The following NELL2 variants were observed in gnomAD, a reference collection of about 807,000 sequenced individuals.
The protein encoded by NELL2 is protein kinase C-binding protein NELL2.
Under a neutral mutation model 109.6 loss-of-function variants are expected in NELL2, and 41 were observed. The observed-to-expected ratio is 0.37, with a 90% CI of 0.29 to 0.49. NELL2 has a LOEUF of 0.49. Ranked by LOEUF, NELL2 falls within the 20% of genes least tolerant of loss-of-function variation. The probability of loss-of-function intolerance (pLI) is 0.98; values close to 1 mark genes in which losing one functional copy is unlikely to be tolerated. For synonymous variants in NELL2, 355 were observed against 344.7 expected (o/e 1.03, Z -0.33); for missense variants, 900 against 1,008.3 (o/e 0.89, Z 1.45).
chr12:44,563,861 A>G (rs1255774240), intron 15 of NELL2, among the ~76,000 whole-genome samples: 1 of 152,262 alleles, frequency 6.6e-6, no homozygotes, highest in African/African-American at 2.4e-5. Flanking sequence ...GCAGAGAATT[A>G]CCAGTTTGCT....
intron 12 of NELL2, among the ~76,000 whole-genome samples, chr12:44,690,621 T>C (rs1386834761): frequency 6.6e-6 from 1 of 152,062 alleles, no homozygotes; most frequent in Non-Finnish European, 1.5e-5. Context: ...ATCACAATTC[T>C]CATTTCCTCC....
At chr12:44,898,673 A>G (rs745821467) in intron 1 of NELL2, among the ~76,000 whole-genome samples, 3 of 152,208 alleles carry the variant, frequency 2.0e-5, no homozygotes, top group Non-Finnish European at 2.9e-5. Context: ...AAAGTTGAAA[A>G]TTCCAAAAAC....
At chr12:44,587,371 ATAAC>A (rs1944565131) in intron 15 of NELL2, among the ~76,000 whole-genome samples, 1 of 148,836 alleles carries the variant, frequency 6.7e-6, no homozygotes, top group African/African-American at 2.5e-5. Context: ...GAGACTAAAA[ATAAC>A]TAACGTGATT....
upstream of NELL2, among the ~76,000 whole-genome samples, chr12:44,919,036 A>G (rs1322592184): frequency 6.6e-6 from 1 of 152,236 alleles, no homozygotes; most frequent in Non-Finnish European, 1.5e-5. Context: ...ACACTGCTCA[A>G]GCAATGACTT....
chr12:44,893,514 C>T lies in NELL2; in HGVS notation c.39-17614G>A, dbSNP rs141534546. On this transcript the variant is annotated intron_variant, in intron 1 of 20. Transcript: ENST00000333837. ...AGTGTTAGCATTATTTTAAACACAG[C>T]TAAATTAAGTATTTCTGGGATCTGC... 7.7e-3 allele frequency among the ~76,000 whole-genome samples: 1,176 copies of T among 152,228 alleles called. 15 individuals are homozygous for T. Among genetic ancestry groups the T allele is most frequent in the African/African-American group, 0.025 (1,040 of 41,546 alleles).
At chr12:44,692,945 A>C (rs1044192853) in intron 12 of NELL2, among the ~76,000 whole-genome samples, 1 of 152,184 alleles carries the variant, frequency 6.6e-6, no homozygotes, top group Non-Finnish European at 1.5e-5. Context: ...GACAACCAAG[A>C]ATTTAGAATA....
intron 1 of NELL2, among the ~76,000 whole-genome samples, chr12:44,896,956 T>G (rs1304991096): frequency 6.6e-6 from 1 of 152,212 alleles, no homozygotes; most frequent in South Asian, 2.1e-4. Context: ...ATGAAGGTTT[T>G]TAAGCACAGG....
At chr12:44,582,847 G>A (rs1295986956) in intron 15 of NELL2, among the ~76,000 whole-genome samples, 1 of 152,134 alleles carries the variant, frequency 6.6e-6, no homozygotes, top group South Asian at 2.1e-4. Flanking sequence ...ATTAGGTCAT[G>A]AGGATCCTGC....
intron 13 of NELL2, among the ~76,000 whole-genome samples, chr12:44,612,752 A>G (rs766178182): frequency 5.9e-5 from 9 of 152,086 alleles, no homozygotes; most frequent in Non-Finnish European, 1.0e-4. Context: ...ATAAATCTCT[A>G]TATGGACAGC....
At chr12:44,912,952 T>A (rs1945795907) in intron 1 of NELL2, among the ~76,000 whole-genome samples, 1 of 152,298 alleles carries the variant, frequency 6.6e-6, no homozygotes, top group Middle Eastern at 3.4e-3. Flanking sequence ...CACTATTAAG[T>A]GGGAATTGTG....
intron 15 of NELL2, among the ~76,000 whole-genome samples, chr12:44,579,695 A>G (rs1194138077): frequency 6.6e-6 from 1 of 152,198 alleles, no homozygotes; most frequent in African/African-American, 2.4e-5. Flanking sequence ...ATACAGTTAA[A>G]CTGTTTTCTC....
chr12:44,609,333 T>C (rs973080837), intron 14 of NELL2, among the ~76,000 whole-genome samples: 4 of 152,008 alleles, frequency 2.6e-5, no homozygotes, highest in Admixed American at 2.6e-4. Flanking sequence ...TGACTAATGG[T>C]GGCTAGTTGT....
intron 3 of NELL2, among the ~76,000 whole-genome samples, chr12:44,795,883 T>C (rs1409830023): frequency 6.6e-6 from 1 of 152,148 alleles, no homozygotes; most frequent in Non-Finnish European, 1.5e-5. Context: ...AAGGGTGCAT[T>C]TTCTAGCATC....
chr12:44,607,121 G>T, intron 15 of NELL2, 48 bp downstream of exon 15: 1 of 1,480,780 alleles, frequency 6.8e-7, no homozygotes, highest in Non-Finnish European at 9.3e-7. Context: ...ATTACTTTAT[G>T]CATTGGCATA....
chr12:44,524,731 G>T (rs1237801406), intron 16 of NELL2, among the ~76,000 whole-genome samples: 1 of 151,844 alleles, frequency 6.6e-6, no homozygotes, highest in Non-Finnish European at 1.5e-5. Flanking sequence ...CTAATGGATT[G>T]GATCAATAGC....
At chr12:44,646,969 T>A (rs1335939688) in intron 13 of NELL2, among the ~76,000 whole-genome samples, 1 of 152,190 alleles carries the variant, frequency 6.6e-6, no homozygotes, top group Non-Finnish European at 1.5e-5. Context: ...AGATGGTTAA[T>A]AAGATTAAAT....
chr12:44,562,535 A>C (rs1160318082), intron 15 of NELL2, among the ~76,000 whole-genome samples: 1 of 152,254 alleles, frequency 6.6e-6, no homozygotes, highest in East Asian at 1.9e-4. Context: ...TCAAAAGAAG[A>C]CATTCGTGTG....
intron 3 of NELL2, among the ~76,000 whole-genome samples, chr12:44,806,131 C>T (rs933341882): frequency 6.6e-6 from 1 of 151,482 alleles, no homozygotes; most frequent in African/African-American, 2.4e-5. Context: ...ACCATAAAAA[C>T]TTAAAGGCAA....
intron 2 of NELL2, among the ~76,000 whole-genome samples, chr12:44,845,052 C>T (rs1443059432): frequency 6.6e-6 from 1 of 152,108 alleles, no homozygotes; most frequent in Non-Finnish European, 1.5e-5. Context: ...TCCCAAAATT[C>T]CAATATAGTT....
Sources: allele counts gnomAD v4.1 joint callset (sites outside exome capture counted in the v4.1 genomes callset), GRCh38; gene constraint gnomAD v4.1.1; transcripts MANE v1.5; gene names NCBI Gene and HGNC (gene_info 2026-07-23, HGNC 2026-07-21).